GMDS: variants seen among roughly 807,000 people sequenced by gnomAD.
GMDS encodes GDP-mannose 4,6-dehydratase.
In GMDS, 20 loss-of-function variants were observed where a neutral mutation model predicts 49.9. That is an observed-to-expected ratio of 0.40 (90% CI 0.28 to 0.58). GMDS has a LOEUF of 0.58. Among genes scored for constraint, GMDS ranks in the 20% least tolerant of loss-of-function variants. The probability of loss-of-function intolerance (pLI) is 0.42; values close to 1 mark genes in which losing one functional copy is unlikely to be tolerated. For missense variants in GMDS, 362 were observed against 481.4 expected, an observed-to-expected ratio of 0.75 and a Z score of 2.32; for synonymous variants, 177 against 178.6, an observed-to-expected ratio of 0.99 and a Z score of 0.07.
intron 4 of GMDS, among the ~76,000 whole-genome samples, chr6:1,976,506 C>A (rs1764911144): frequency 6.6e-6 from 1 of 152,166 alleles, no homozygotes; most frequent in African/African-American, 2.4e-5. Context: ...TCAGAGAAGA[C>A]AGTATTTCCA....
At chr6:1,655,095 C>T (rs1307722982) in intron 9 of GMDS, among the ~76,000 whole-genome samples, 1 of 150,550 alleles carries the variant, frequency 6.6e-6, no homozygotes, top group Non-Finnish European at 1.5e-5. Context: ...TGATACTTAA[C>T]TTGAAAAATA....
At chr6:1,876,544 G>C (rs1347977615) in intron 7 of GMDS, among the ~76,000 whole-genome samples, 1 of 152,208 alleles carries the variant, frequency 6.6e-6, no homozygotes, top group African/African-American at 2.4e-5. Context: ...TGAGTAGAAA[G>C]ACGAGGGTTC....
intron 7 of GMDS, among the ~76,000 whole-genome samples, chr6:1,904,142 G>T (rs987919801): frequency 1.3e-5 from 2 of 152,192 alleles, no homozygotes; most frequent in African/African-American, 4.8e-5. Context: ...AAGCGGTTCA[G>T]AAGAGAATGG....
intron 2 of GMDS, among the ~76,000 whole-genome samples, chr6:2,121,070 A>G: frequency 6.6e-6 from 1 of 152,152 alleles, no homozygotes; most frequent in East Asian, 1.9e-4. Flanking sequence ...AAAGGCAACT[A>G]AGTCTCAGAG....
intron 6 of GMDS, among the ~76,000 whole-genome samples, chr6:1,950,418 G>C (rs189637137): frequency 6.6e-6 from 1 of 152,198 alleles, no homozygotes; most frequent in African/African-American, 2.4e-5. Context: ...ATTGATTTTG[G>C]AGGCTTGGGA....
chr6:1,916,730 A>C (rs1422374590), intron 7 of GMDS, among the ~76,000 whole-genome samples: 1 of 152,172 alleles, frequency 6.6e-6, no homozygotes, highest in Non-Finnish European at 1.5e-5. Flanking sequence ...ATTAGGGATA[A>C]TTTTAATAGA....
chr6:2,109,450 C>T (rs1170620437), intron 4 of GMDS, among the ~76,000 whole-genome samples: 1 of 152,180 alleles, frequency 6.6e-6, no homozygotes, highest in Admixed American at 6.5e-5. Flanking sequence ...CAGGTAGAAT[C>T]ACATCTTAAG....
chr6:1,658,155 G>A (rs1174696499), intron 9 of GMDS, among the ~76,000 whole-genome samples: 1 of 152,236 alleles, frequency 6.6e-6, no homozygotes. Context: ...CAATTTGGGT[G>A]GTCCATCGTG....
intron 7 of GMDS, among the ~76,000 whole-genome samples, chr6:1,787,734 C>T (rs1307544267): frequency 2.6e-5 from 4 of 152,130 alleles, no homozygotes; most frequent in African/African-American, 9.7e-5. Flanking sequence ...GAAACAAAGC[C>T]CACATCAATT....
intron 1 of GMDS, among the ~76,000 whole-genome samples, chr6:2,243,877 G>C (rs1280449788): frequency 3.2e-5 from 1 of 31,142 alleles, no homozygotes; most frequent in Admixed American, 3.9e-4. Flanking sequence ...TTTTTTTTTT[G>C]AGGCAGGATC....
At chr6:1,776,958 A>G (rs1269896096) in intron 7 of GMDS, among the ~76,000 whole-genome samples, 3 of 152,218 alleles carry the variant, frequency 2.0e-5, no homozygotes, top group Non-Finnish European at 4.4e-5. Context: ...CAACAACAAG[A>G]GCATCTGTAG....
chr6:2,209,564 T>TACACATAC (rs1400868513), intron 1 of GMDS, among the ~76,000 whole-genome samples: 1 of 112,852 alleles, frequency 8.9e-6, no homozygotes, highest in Non-Finnish European at 1.8e-5. Context: ...TACATACACA[T>TACACATAC]ACACATACAC....
At chr6:2,005,182 T>C (rs1767080230) in intron 4 of GMDS, among the ~76,000 whole-genome samples, 1 of 152,162 alleles carries the variant, frequency 6.6e-6, no homozygotes, top group Non-Finnish European at 1.5e-5. Flanking sequence ...ATAAGGCTTG[T>C]GTCTGGAATA....
At chr6:2,072,650 G>A (rs1026123857) in intron 4 of GMDS, among the ~76,000 whole-genome samples, 2 of 152,168 alleles carry the variant, frequency 1.3e-5, no homozygotes, top group African/African-American at 4.8e-5. Flanking sequence ...ACAAGCAGTA[G>A]ATCCTTCACA....
At chr6:2,067,993 G>A (rs1165434099) in intron 4 of GMDS, among the ~76,000 whole-genome samples, 1 of 150,954 alleles carries the variant, frequency 6.6e-6, no homozygotes, top group Non-Finnish European at 1.5e-5. Flanking sequence ...TATCCTTGAT[G>A]AACATTGATG....
intron 4 of GMDS, among the ~76,000 whole-genome samples, chr6:2,042,515 A>C (rs1485306029): frequency 1.3e-5 from 2 of 152,198 alleles, no homozygotes; most frequent in Non-Finnish European, 2.9e-5. Flanking sequence ...CTTACAGCGA[A>C]AGAATTACAT....
intron 1 of GMDS, among the ~76,000 whole-genome samples, chr6:2,189,277 A>G (rs1778913094): frequency 6.6e-6 from 1 of 152,184 alleles, no homozygotes; most frequent in African/African-American, 2.4e-5. Context: ...AGCAAACAAC[A>G]GAGGTAGGAG....
chr6:1,798,571 C>T (rs902787300), intron 7 of GMDS, among the ~76,000 whole-genome samples: 1 of 152,160 alleles, frequency 6.6e-6, no homozygotes, highest in Non-Finnish European at 1.5e-5. Flanking sequence ...AAGCGTGAGG[C>T]TCCTTTGGAT....
intron 7 of GMDS, among the ~76,000 whole-genome samples, chr6:1,898,894 G>A (rs768548717): frequency 3.3e-5 from 5 of 152,120 alleles, no homozygotes; most frequent in Non-Finnish European, 7.4e-5. Flanking sequence ...CTGCCCTAAC[G>A]GAACTTACAG....
Sources: allele counts gnomAD v4.1 joint callset (sites outside exome capture counted in the v4.1 genomes callset), GRCh38; gene constraint gnomAD v4.1.1; transcripts MANE v1.5; gene names NCBI Gene and HGNC (gene_info 2026-07-23, HGNC 2026-07-21).